ABCA13: variants seen among roughly 807,000 people sequenced by gnomAD.
The protein encoded by ABCA13 is ATP binding cassette subfamily A member 13.
Under a neutral mutation model 478.7 loss-of-function variants are expected in ABCA13, and 476 were observed. The ratio of observed to expected loss-of-function variants is 0.99; its 90% CI spans 0.92 to 1.07. ABCA13 has a LOEUF of 1.07. Among genes scored for constraint, ABCA13 ranks in the 50% least tolerant of loss-of-function variants. The pLI, the probability that ABCA13 is intolerant of heterozygous loss-of-function variation, is 0.00. For missense variants in ABCA13, 6,060 were observed against 5,910.6 expected (o/e 1.03, Z -0.83); for synonymous variants, 2,252 against 2,158.9 (o/e 1.04, Z -1.20).
intron 4 of ABCA13, among the ~76,000 whole-genome samples, chr7:48,220,077 C>T (rs1787143988): frequency 6.6e-6 from 1 of 152,076 alleles, no homozygotes; most frequent in Admixed American, 6.6e-5. Context: ...TAAACAAAAG[C>T]AATTTCTGTT....
At chr7:48,238,748 G>C (rs899460446) in intron 8 of ABCA13, among the ~76,000 whole-genome samples, 6 of 152,196 alleles carry the variant, frequency 3.9e-5, no homozygotes, top group Non-Finnish European at 8.8e-5. Context: ...GATTACAGGC[G>C]TGAGCCACCG....
At chr7:48,318,065 A>G (rs1371805338) in intron 27 of ABCA13, among the ~76,000 whole-genome samples, 2 of 152,206 alleles carry the variant, frequency 1.3e-5, no homozygotes. Context: ...AAGAGAAGAT[A>G]CCTGCACTAT....
chr7:48,475,077 A>G (rs1057439055), intron 45 of ABCA13, among the ~76,000 whole-genome samples: 17 of 152,362 alleles, frequency 1.1e-4, no homozygotes, highest in African/African-American at 3.6e-4. Context: ...CCTTGAATTG[A>G]CAGTGGAGTA....
intron 55 of ABCA13, among the ~76,000 whole-genome samples, chr7:48,568,665 A>G (rs1474071347): frequency 6.6e-6 from 1 of 152,052 alleles, no homozygotes; most frequent in African/African-American, 2.4e-5. Context: ...TTTTTGAAAT[A>G]GTCTAGAAGC....
intron 56 of ABCA13, among the ~76,000 whole-genome samples, chr7:48,582,883 G>A (rs189810118): frequency 6.8e-4 from 104 of 152,238 alleles, no homozygotes; most frequent in African/African-American, 2.5e-3. Context: ...ACATATTTGA[G>A]CCTCAATTTA....
intron 56 of ABCA13, among the ~76,000 whole-genome samples, chr7:48,582,392 G>T (rs558849548): frequency 2.0e-5 from 3 of 152,278 alleles, no homozygotes; most frequent in African/African-American, 7.2e-5. Context: ...CTAACATGGG[G>T]CTCCTCCTGC....
intron 42 of ABCA13, among the ~76,000 whole-genome samples, chr7:48,443,602 T>G (rs1823909188): frequency 6.6e-6 from 1 of 152,224 alleles, no homozygotes; most frequent in South Asian, 2.1e-4. Flanking sequence ...TTTTTCCCAG[T>G]AGGTTTAGCA....
intron 55 of ABCA13, among the ~76,000 whole-genome samples, chr7:48,553,865 A>C (rs998119045): frequency 1.3e-5 from 2 of 151,912 alleles, no homozygotes; most frequent in African/African-American, 2.4e-5. Flanking sequence ...TTCGTGGGGT[A>C]TTACTCAAGA....
chr7:48,352,250 T>A lies in ABCA13; in HGVS notation c.10451T>A (p.Val3484Asp). ...RSESVKLPPH[V>D]SYTIRTNVLY... ...GAGTCTGTCAAACTGCCACCCCATGTCTCATACACAATCCGGACCAATGTG... is the reference window on the plus strand; with the variant it reads ...GAGTCTGTCAAACTGCCACCCCATGACTCATACACAATCCGGACCAATGTG... The change falls in exon 31 of 62, where the codon GTC becomes GAC. Residue 3484 changes from valine to aspartate, a missense_variant. By Grantham distance (152) the Val-to-Asp change is radical. Coordinates refer to ENST00000435803, the MANE Select transcript of ABCA13 (RefSeq NM_152701.5). 1 of 1,613,410 alleles carries A rather than the reference T, an allele frequency of 6.2e-7. No homozygotes were observed. Among genetic ancestry groups the A allele is most frequent in the African/African-American group, 1.3e-5 (1 of 74,866 alleles).
chr7:48,290,781 G>A (rs898057601), intron 20 of ABCA13, among the ~76,000 whole-genome samples: 12 of 152,062 alleles, frequency 7.9e-5, no homozygotes, highest in Non-Finnish European at 1.8e-4. Context: ...GAGTGAGTTG[G>A]CCCCTAAGGG....
Position 48,355,325 on chromosome 7 carries a change from A to AC in ABCA13, c.10688+2844dup, listed in dbSNP as rs111949681. On this transcript the variant is annotated intron_variant, in intron 31 of 61. Coordinates refer to ENST00000435803, the MANE Select transcript of ABCA13 (RefSeq NM_152701.5). ...GGGAAGTGTGTTCTAGGGCAGAGGA[A>AC]CCCCCCATGCAAAGGCCCTGTGGTA... Among the ~76,000 whole-genome samples the AC allele has an allele frequency of 1.5e-3, 228 of 151,812 alleles. 4 individuals carry two copies. The highest frequency in any genetic ancestry group is 5.2e-3 in the African/African-American group (214 of 41,246).
intron 10 of ABCA13, 103 bp from the exon 11 acceptor site, chr7:48,244,473 C>T (rs1388650322): frequency 5.0e-6 from 7 of 1,388,354 alleles, no homozygotes; most frequent in Non-Finnish European, 6.8e-6. Flanking sequence ...GAACACACTT[C>T]TCAAAGCAGT....
intron 42 of ABCA13, among the ~76,000 whole-genome samples, chr7:48,433,062 A>G (rs780826232): frequency 8.5e-5 from 13 of 152,092 alleles, no homozygotes; most frequent in Non-Finnish European, 1.5e-4. Flanking sequence ...CATGTTGTAT[A>G]TGATAAATAT....
At chr7:48,637,239 C>T (rs1259782137) in intron 59 of ABCA13, among the ~76,000 whole-genome samples, 1 of 151,686 alleles carries the variant, frequency 6.6e-6, no homozygotes, top group East Asian at 1.9e-4. Flanking sequence ...TTTGAAGGCT[C>T]CCTGTTTTAA....
At chr7:48,603,121 G>A (rs1791086228) in intron 58 of ABCA13, among the ~76,000 whole-genome samples, 1 of 152,140 alleles carries the variant, frequency 6.6e-6, no homozygotes, top group Non-Finnish European at 1.5e-5. Context: ...AGCTTTAGGA[G>A]ATTTAGGGTT....
chr7:48,558,455 C>T (rs1282116742), intron 55 of ABCA13, among the ~76,000 whole-genome samples: 1 of 151,724 alleles, frequency 6.6e-6, no homozygotes, highest in East Asian at 2.0e-4. Flanking sequence ...CACCACCACG[C>T]CTGGCTAATT....
In ABCA13 at chr7:48,372,476, T is replaced by G. The variant is rs75281621; in HGVS notation, c.11112T>G (p.Ser3704Arg). The G allele has an allele frequency of 2.5e-5, 40 of 1,579,526 alleles. No individual in the cohort carries two copies. Among genetic ancestry groups the G allele is most frequent in the Non-Finnish European group, 3.4e-5 (39 of 1,159,650 alleles). The part of the protein sequence containing the change: ...IVLLVLHNQL[S>R]FVNQTFLCLL... ...TATTGGTTCTACATAACCAATTAAG[T>G]TTTGTTAATCAGACATTTCTGGTAA... Residue 3704 changes from serine (S) to arginine (R), a missense_variant, in exon 33 of 62, where the codon AGT becomes AGG. Physicochemically the swap from Ser to Arg is moderately radical, Grantham distance 110. Around this residue, in one of 3 missense-constraint regions of ABCA13, gnomAD observed 4,423 missense variants for 4,309.1 expected, o/e 1.03. Transcript: ENST00000435803.
At position 48,273,519 on chromosome 7, in the gene ABCA13, C is replaced by A. The variant is rs1333535955; in HGVS notation, c.3853C>A (p.Leu1285Ile). The change falls in exon 17 of 62, where the codon CTT (leucine) becomes ATT (isoleucine). Residue 1285 changes from leucine to isoleucine, a missense_variant. Leu to Ile is a conservative substitution (Grantham distance 5). Transcript: ENST00000435803. The stretch of plus-strand genomic sequence containing the variant: ...AAGCAGAGAGTTTTTAAATTCTCTG[C>A]TTGAAGTTTTCATTGAGTTTAGCAG... ...STSREFLNSL[L>I]EVFIEFSSTS... The A allele has an allele frequency of 6.3e-7, 1 of 1,588,752 alleles. No individual in the cohort carries two copies. The highest frequency in any genetic ancestry group is 1.8e-5 in the Admixed American group (1 of 55,720).
intron 31 of ABCA13, among the ~76,000 whole-genome samples, chr7:48,352,815 C>A (rs1278120000): frequency 2.0e-5 from 3 of 151,952 alleles, no homozygotes; most frequent in Non-Finnish European, 2.9e-5. Flanking sequence ...ACTTACCTAA[C>A]CTTGGGAAAA....
Sources: gnomAD v4.1 joint callset for allele counts (sites outside exome capture counted in the v4.1 genomes callset) on GRCh38, gnomAD v4.1.1 for gene constraint, gnomAD v4.1.1 regional missense constraint, MANE v1.5 for transcripts, NCBI Gene and HGNC (gene_info 2026-07-23, HGNC 2026-07-21) for gene names.